GPC5: variants seen among roughly 807,000 people sequenced by gnomAD.
The protein encoded by GPC5 is glypican 5, also known as glypican-5.
GPC5 carries 47 observed loss-of-function variants against 53.9 expected under a neutral mutation model. The observed-to-expected ratio is 0.87, with a 90% CI of 0.69 to 1.11. GPC5 has a LOEUF of 1.11. Ranked by LOEUF, GPC5 falls within the 50% of genes most tolerant of loss-of-function variation. The probability of loss-of-function intolerance (pLI) is 0.00; values close to 1 mark genes in which losing one functional copy is unlikely to be tolerated. For synonymous variants in GPC5, 286 were observed against 263.3 expected (o/e 1.09, Z -0.84); for missense variants, 748 against 713.1 (o/e 1.05, Z -0.56).
intron 7 of GPC5, among the ~76,000 whole-genome samples, chr13:92,188,337 A>G (rs759413242): frequency 2.0e-5 from 3 of 152,202 alleles, no homozygotes; most frequent in African/African-American, 2.4e-5. Flanking sequence ...AAGAAATACA[A>G]TAGGAGAAAT....
At chr13:91,662,698 C>T (rs547348082) in intron 2 of GPC5, among the ~76,000 whole-genome samples, 2 of 152,152 alleles carry the variant, frequency 1.3e-5, no homozygotes, top group East Asian at 3.9e-4. Flanking sequence ...TGTATTGTTT[C>T]TCACCTGGAC....
chr13:91,422,612 G>A (rs1878717645), intron 1 of GPC5, among the ~76,000 whole-genome samples: 1 of 151,786 alleles, frequency 6.6e-6, no homozygotes, highest in Non-Finnish European at 1.5e-5. Flanking sequence ...TTCCAGCCTG[G>A]GCAACAGAGC....
intron 7 of GPC5, among the ~76,000 whole-genome samples, chr13:92,366,849 T>A (rs150368015): frequency 1.5e-4 from 23 of 152,342 alleles, no homozygotes; most frequent in African/African-American, 5.5e-4. Flanking sequence ...TCAAGACTAG[T>A]GCACATATCA....
intron 2 of GPC5, among the ~76,000 whole-genome samples, chr13:91,456,331 T>C (rs1013928407): frequency 2.6e-5 from 4 of 152,028 alleles, no homozygotes; most frequent in Non-Finnish European, 4.4e-5. Context: ...GTTCATTTTA[T>C]ATTTCCAAAT....
chr13:91,959,193 TAAAC>T (rs938563767), intron 6 of GPC5, among the ~76,000 whole-genome samples: 1 of 146,014 alleles, frequency 6.8e-6, no homozygotes, highest in South Asian at 2.2e-4. Context: ...AAGACACAAA[TAAAC>T]AAAATCAAAA....
intron 7 of GPC5, among the ~76,000 whole-genome samples, chr13:92,614,444 TC>T (rs1238956275): frequency 6.6e-6 from 1 of 152,132 alleles, no homozygotes; most frequent in East Asian, 1.9e-4. Flanking sequence ...GTCCAGATGC[TC>T]CTCCACTGAG....
intron 3 of GPC5, among the ~76,000 whole-genome samples, chr13:91,712,650 G>A (rs1211180796): frequency 6.6e-6 from 1 of 152,064 alleles, no homozygotes; most frequent in Non-Finnish European, 1.5e-5. Context: ...ATACAGAAAA[G>A]CTTTCCACCC....
At chr13:92,735,436 T>C (rs952922408) in intron 7 of GPC5, among the ~76,000 whole-genome samples, 6 of 151,968 alleles carry the variant, frequency 3.9e-5, no homozygotes, top group African/African-American at 1.4e-4. Flanking sequence ...ATTTAAATAC[T>C]GATTCTTCTT....
intron 2 of GPC5, among the ~76,000 whole-genome samples, chr13:91,509,533 C>T (rs1376045910): frequency 6.6e-6 from 1 of 151,350 alleles, no homozygotes; most frequent in Non-Finnish European, 1.5e-5. Flanking sequence ...TGATTAATAA[C>T]CTAATTTTAG....
At chr13:91,540,044 G>T (rs1463637724) in intron 2 of GPC5, among the ~76,000 whole-genome samples, 1 of 152,168 alleles carries the variant, frequency 6.6e-6, no homozygotes, top group Non-Finnish European at 1.5e-5. Context: ...TGTATGTCTT[G>T]CTGGGAAATA....
intron 7 of GPC5, among the ~76,000 whole-genome samples, chr13:92,275,040 G>A (rs554652319): frequency 1.3e-5 from 2 of 151,992 alleles, no homozygotes; most frequent in Admixed American, 1.3e-4. Flanking sequence ...CCCTTCCCTT[G>A]AGCATAAGAT....
intron 2 of GPC5, among the ~76,000 whole-genome samples, chr13:91,656,784 CT>C (rs1410058391): frequency 6.6e-6 from 1 of 152,186 alleles, no homozygotes; most frequent in Admixed American, 6.5e-5. Flanking sequence ...CATAGTGTTT[CT>C]CCTGCTATAC....
intron 5 of GPC5, among the ~76,000 whole-genome samples, chr13:91,802,986 A>G (rs1469365741): frequency 6.6e-6 from 1 of 152,202 alleles, no homozygotes; most frequent in Non-Finnish European, 1.5e-5. Context: ...AATGTAGTAG[A>G]AAATAAATAG....
intron 7 of GPC5, among the ~76,000 whole-genome samples, chr13:92,751,254 C>T (rs997903309): frequency 4.9e-5 from 6 of 122,070 alleles, no homozygotes; most frequent in Non-Finnish European, 4.8e-5. Context: ...TGAAAAGGTA[C>T]CTACGTAAGA....
At chr13:92,182,985 G>A (rs1219573282) in intron 7 of GPC5, among the ~76,000 whole-genome samples, 1 of 152,136 alleles carries the variant, frequency 6.6e-6, no homozygotes, top group African/African-American at 2.4e-5. Flanking sequence ...TATTCCAGAA[G>A]AGGTTCATAA....
chr13:92,355,199 G>A (rs1173581936), intron 7 of GPC5, among the ~76,000 whole-genome samples: 1 of 151,422 alleles, frequency 6.6e-6, no homozygotes, highest in African/African-American at 2.4e-5. Flanking sequence ...TTCTCTTGGA[G>A]GTTTTGTGGT....
At chr13:92,143,606 A>T (rs1168782053) in intron 6 of GPC5, among the ~76,000 whole-genome samples, 2 of 152,186 alleles carry the variant, frequency 1.3e-5, no homozygotes, top group Non-Finnish European at 1.5e-5. Context: ...GAATTTAAAA[A>T]TTACTGTCAA....
intron 2 of GPC5, among the ~76,000 whole-genome samples, chr13:91,494,346 ATTT>A (rs67235101): frequency 0.38 from 55,275 of 146,642 alleles, 10,997 homozygotes; most frequent in East Asian, 0.57. Flanking sequence ...TATTATTATT[ATTT>A]TTATTAATTA....
chr13:91,828,575 C>A (rs1946676495), intron 5 of GPC5, among the ~76,000 whole-genome samples: 1 of 151,916 alleles, frequency 6.6e-6, no homozygotes, highest in South Asian at 2.1e-4. Context: ...GGTTCCAGGG[C>A]CTGGGTAGGG....
Sources: allele counts gnomAD v4.1 joint callset (sites outside exome capture counted in the v4.1 genomes callset), GRCh38; gene constraint gnomAD v4.1.1; transcripts MANE v1.5; gene names NCBI Gene and HGNC (gene_info 2026-07-23, HGNC 2026-07-21).